The following IGSF3 variants were observed in gnomAD, a reference collection of about 807,000 sequenced individuals.
IGSF3 encodes the protein glu-Trp-Ile EWI motif-containing protein 3.
A neutral mutation model predicts 114.4 loss-of-function variants in IGSF3; 23 were observed. The ratio of observed to expected loss-of-function variants is 0.20; its 90% CI spans 0.14 to 0.28. IGSF3 has a LOEUF of 0.28. Among genes scored for constraint, IGSF3 ranks in the 10% least tolerant of loss-of-function variants. The pLI is 1.00. For synonymous variants in IGSF3, 571 were observed against 645.2 expected, an observed-to-expected ratio of 0.88 and a Z score of 1.74; for missense variants, 1,172 against 1,591.5, an observed-to-expected ratio of 0.74 and a Z score of 4.48.
Position 116,613,674 on chromosome 1 carries a change from G to A in IGSF3, c.832+91C>T, listed in dbSNP as rs1454274747. 3 of 1,215,234 alleles carry A rather than the reference G, an allele frequency of 2.5e-6. No homozygotes were observed. The Admixed American group carries it at 5.8e-5, about 24-fold the overall frequency. 75.3% of individuals were successfully genotyped at this position (1,215,234 alleles called of 1,614,324 possible). A position where few individuals can be genotyped will look rare whatever the true frequency, so the allele number is the denominator to read the frequency against. On this transcript the variant is annotated intron_variant, in intron 4 of 10. Coordinates refer to ENST00000369486, the MANE Select transcript of IGSF3 (RefSeq NM_001007237.3). Reference sequence around the variant, plus strand: ...ATGAAAACCTGCTGTCCTGGTAGAGGTGCCCAAAGAAGGAGTCTCCACATT... The same window carrying A: ...ATGAAAACCTGCTGTCCTGGTAGAGATGCCCAAAGAAGGAGTCTCCACATT...
chr1:116,610,058 G>T lies in IGSF3; in HGVS notation c.833-1727C>A, dbSNP rs1406226731. 2.0e-5 allele frequency among the ~76,000 whole-genome samples: 3 copies of T among 152,236 alleles called. No homozygotes were observed. The East Asian group carries it at 5.8e-4, about 29-fold the overall frequency. ...GAAGTAGCTGCTGTCACAGCTTCTA[G>T]CTCCCAAGAGACCAGTCTTAAGAGG... is the stretch of plus-strand genomic sequence containing the variant. On this transcript the variant is annotated intron_variant, in intron 4 of 10. Coordinates refer to ENST00000369486, the MANE Select transcript of IGSF3 (RefSeq NM_001007237.3). This position sits in a 1 kb window ranked among gnomAD's most constrained non-coding sequence, Gnocchi z 4.3.
Position 116,608,102 on chromosome 1 carries a change from C to G in IGSF3, c.1062G>C (p.Glu354Asp). Residue 354 changes from glutamate to aspartate, a missense_variant, in exon 5 of 11, where the codon GAG (glutamate) becomes GAC (aspartate). Physicochemically the swap from Glu to Asp is conservative, Grantham distance 45 (BLOSUM62 2). Transcript: ENST00000369486. ...TCTTCAGCACAAAGACACTGTCGCTCTCTTTGGCCACCTTAAGCTGTCCCC... is the reference window on the plus strand; with the variant it reads ...TCTTCAGCACAAAGACACTGTCGCTGTCTTTGGCCACCTTAAGCTGTCCCC... Reference protein sequence around the residue: ...EARGQLKVAKESDSVFVLKIY... With the variant: ...EARGQLKVAKDSDSVFVLKIY... 6.2e-7 allele frequency: 1 copy of G among 1,613,970 alleles called. No homozygotes were observed. The highest frequency in any genetic ancestry group is 8.5e-7 in the Non-Finnish European group (1 of 1,179,872).
Position 116,589,712 on chromosome 1 carries a change from T to C in IGSF3, c.2030-608A>G, listed in dbSNP as rs578094774. ...ATACCCTTCCTCAGCACCCTCTATA[T>C]ATCTCTGGGCTGTGTGTCCTCACAT... On this transcript the variant is annotated intron_variant, in intron 7 of 10. Transcript: ENST00000369486. The surrounding 1 kb of genome is among the most constrained non-coding windows in gnomAD (Gnocchi z 5.7). Among the ~76,000 whole-genome samples, 2 of 152,220 alleles carry C rather than the reference T, an allele frequency of 1.3e-5. No homozygotes were observed. The highest frequency in any genetic ancestry group is 4.8e-5 in the African/African-American group (2 of 41,550).
chr1:116,662,602 A>G lies in IGSF3; in HGVS notation c.43+3682T>C, dbSNP rs1326699247. ...TCTTAACACAGCCCTGGGTACCTGGAGGTAGCTCAATGATTCTCACAGCTG... is the reference window on the plus strand; with the variant it reads ...TCTTAACACAGCCCTGGGTACCTGGGGGTAGCTCAATGATTCTCACAGCTG... On this transcript the variant is annotated intron_variant, in intron 2 of 10. Transcript: ENST00000369486. The surrounding 1 kb of genome is among the most constrained non-coding windows in gnomAD (Gnocchi z 4.3). 6.6e-6 allele frequency among the ~76,000 whole-genome samples: 1 copy of G among 152,128 alleles called. No homozygotes were observed. The highest frequency in any genetic ancestry group is 2.4e-5 in the African/African-American group (1 of 41,410).
chr1:116,629,309 A>G lies in IGSF3; in HGVS notation c.44-12852T>C, dbSNP rs1402339547. 6.6e-6 allele frequency among the ~76,000 whole-genome samples: 1 copy of G among 152,226 alleles called. No homozygotes were observed. The highest frequency in any genetic ancestry group is 1.5e-5 in the Non-Finnish European group (1 of 68,044). On this transcript the variant is annotated intron_variant, in intron 2 of 10. Transcript: ENST00000369486. This position sits in a 1 kb window ranked among gnomAD's most constrained non-coding sequence, Gnocchi z 4.3. ...GATAAACACCCACACACCTCTATAT[A>G]TGTGTGGAAAAAGGACTGGGCTAGT...
At position 116,664,453 on chromosome 1, in the gene IGSF3, C is replaced by T. The variant is rs1649245356; in HGVS notation, c.43+1831G>A. Among the ~76,000 whole-genome samples the T allele has an allele frequency of 6.6e-6, 1 of 152,134 alleles. No homozygotes were observed. The highest frequency in any genetic ancestry group is 1.5e-5 in the Non-Finnish European group (1 of 68,012). On this transcript the variant is annotated intron_variant, in intron 2 of 10. Coordinates refer to ENST00000369486, the MANE Select transcript of IGSF3 (RefSeq NM_001007237.3). This position sits in a 1 kb window ranked among gnomAD's most constrained non-coding sequence, Gnocchi z 4.6. ...ACAAATGTCACATTGCCTTGTTTTCCCATTGATGGTTACTTCTCCTGCCCT... is the reference window on the plus strand; with the variant it reads ...ACAAATGTCACATTGCCTTGTTTTCTCATTGATGGTTACTTCTCCTGCCCT...
chr1:116,662,353 G>A lies in IGSF3; in HGVS notation c.43+3931C>T, dbSNP rs567932827. Among the ~76,000 whole-genome samples the A allele has an allele frequency of 6.6e-6, 1 of 152,246 alleles. No homozygotes were observed. The highest frequency in any genetic ancestry group is 1.9e-4 in the East Asian group (1 of 5,178). On this transcript the variant is annotated intron_variant, in intron 2 of 10. Transcript: ENST00000369486. The surrounding 1 kb of genome is among the most constrained non-coding windows in gnomAD (Gnocchi z 4.3). ...CCCAAAGTGCTGCGGTTACAAGCAT[G>A]AGCCACCATGCCCAGCTTAGGCAAG...
rs920164803 is a variant in IGSF3 at position 116,665,378 on chromosome 1, G to A, written c.43+906C>T. On this transcript the variant is annotated intron_variant, in intron 2 of 10. Coordinates refer to ENST00000369486, the MANE Select transcript of IGSF3 (RefSeq NM_001007237.3). The surrounding 1 kb of genome is among the most constrained non-coding windows in gnomAD (Gnocchi z 4.0). ...CCGAGCCTTACAGAGAGGGCAGGGGGTGTGCTCATGTATGAGGTCTGAGAT... is the reference window on the plus strand; with the variant it reads ...CCGAGCCTTACAGAGAGGGCAGGGGATGTGCTCATGTATGAGGTCTGAGAT... Among the ~76,000 whole-genome samples, 1 of 152,168 alleles carries A rather than the reference G, an allele frequency of 6.6e-6. No individual in the cohort carries two copies. The highest frequency in any genetic ancestry group is 2.4e-5 in the African/African-American group (1 of 41,424).
chr1:116,640,363 A>G (rs572888616), intron 2 of IGSF3, among the ~76,000 whole-genome samples: 20 of 152,296 alleles, frequency 1.3e-4, no homozygotes, highest in South Asian at 1.2e-3. Flanking sequence ...GCTGTGCTTC[A>G]ATCCCTATTT....
chr1:116,635,154 C>A (rs1346697236), intron 2 of IGSF3, among the ~76,000 whole-genome samples: 2 of 152,348 alleles, frequency 1.3e-5, no homozygotes, highest in East Asian at 3.9e-4. Flanking sequence ...GCAACACCTG[C>A]TTCTAAACAG....
rs1648783235 is a variant in IGSF3, at chr1:116,654,880, TCTC to T, written c.43+11401_43+11403del. 1.3e-5 allele frequency among the ~76,000 whole-genome samples: 2 copies of T among 151,986 alleles called. No homozygotes were observed. On this transcript the variant is annotated intron_variant, in intron 2 of 10. Transcript: ENST00000369486. This position sits in a 1 kb window ranked among gnomAD's most constrained non-coding sequence, Gnocchi z 4.4. ...TTAGCCTCCTCAGAGCCCCCTCCCT[TCTC>T]CTCGCTCTCCCCTTATCACTGCTAT...
rs1557850241 is a variant in IGSF3 at position 116,575,693 on chromosome 1, C to T, written c.*1619G>A. 1 of 152,098 alleles carries T rather than the reference C, an allele frequency of 6.6e-6. No homozygotes were observed. The allele number at this position is 152,098 out of a possible 1,614,324, so 9.4% of individuals were successfully genotyped here. A position where few individuals can be genotyped will look rare whatever the true frequency, so the allele number is the denominator to read the frequency against. ...GAGTAAAGGAGATGGCATGCTTGGCCAGAAAAATATGGGAAAGCAAGGGTA... is the reference window on the plus strand; with the variant it reads ...GAGTAAAGGAGATGGCATGCTTGGCTAGAAAAATATGGGAAAGCAAGGGTA... On this transcript the variant is annotated 3_prime_UTR_variant, in exon 11 of 11. Coordinates refer to ENST00000369486, the MANE Select transcript of IGSF3 (RefSeq NM_001007237.3). The surrounding 1 kb of genome is among the most constrained non-coding windows in gnomAD (Gnocchi z 5.6).
At chr1:116,609,298 G>A (rs749138375) in intron 4 of IGSF3, among the ~76,000 whole-genome samples, 38 of 151,936 alleles carry the variant, frequency 2.5e-4, no homozygotes, top group Non-Finnish European at 5.1e-4. Context: ...CCAGGCTGGA[G>A]TGTAGTGGCA....
At chr1:116,626,421 T>C (rs956763947) in intron 2 of IGSF3, among the ~76,000 whole-genome samples, 7 of 152,218 alleles carry the variant, frequency 4.6e-5, no homozygotes, top group Non-Finnish European at 8.8e-5. Context: ...CCTCTTTATA[T>C]AGCTGCACAG....
At position 116,583,829 on chromosome 1, in the gene IGSF3, T is replaced by C. The variant is rs913390628; in HGVS notation, c.2848+816A>G. On this transcript the variant is annotated intron_variant, in intron 9 of 10. Coordinates refer to ENST00000369486, the MANE Select transcript of IGSF3 (RefSeq NM_001007237.3). This position sits in a 1 kb window ranked among gnomAD's most constrained non-coding sequence, Gnocchi z 4.5. ...TACCTAGTAATTACATGCATTTAGA[T>C]ATTTAGAAACAGCAATAAAGACAAG... 6.6e-6 allele frequency among the ~76,000 whole-genome samples: 1 copy of C among 152,188 alleles called. No individual in the cohort carries two copies. The highest frequency in any genetic ancestry group is 1.5e-5 in the Non-Finnish European group (1 of 68,032).
intron 2 of IGSF3, among the ~76,000 whole-genome samples, chr1:116,626,070 C>G (rs994456336): frequency 1.3e-5 from 2 of 152,126 alleles, no homozygotes; most frequent in African/African-American, 4.8e-5. Context: ...ACTGCTAAAC[C>G]ATAACTCAAA....
intron 7 of IGSF3, among the ~76,000 whole-genome samples, chr1:116,591,503 G>A (rs1247489602): frequency 6.6e-6 from 1 of 152,210 alleles, no homozygotes; most frequent in Non-Finnish European, 1.5e-5. Context: ...TCAGTCACAT[G>A]GTCTGAGAAC....
intron 2 of IGSF3, among the ~76,000 whole-genome samples, chr1:116,623,382 G>T (rs1661478404): frequency 1.3e-5 from 2 of 152,174 alleles, no homozygotes; most frequent in Admixed American, 1.3e-4. Context: ...AGTAAATGAA[G>T]CTGGCTAAAC....
chr1:116,647,429 ACAGC>A lies in IGSF3; in HGVS notation c.43+18851_43+18854del, dbSNP rs1303463170. Among the ~76,000 whole-genome samples the A allele has an allele frequency of 6.6e-6, 1 of 152,198 alleles. No individual in the cohort carries two copies. The highest frequency in any genetic ancestry group is 2.4e-5 in the African/African-American group (1 of 41,452). ...AGCTCCAAATGGTCACACCATGTCT[ACAGC>A]CAATCAGCTGACCGGGGTGGCAACC... On this transcript the variant is annotated intron_variant, in intron 2 of 10. Coordinates refer to ENST00000369486, the MANE Select transcript of IGSF3 (RefSeq NM_001007237.3). The surrounding 1 kb of genome is among the most constrained non-coding windows in gnomAD (Gnocchi z 4.6).
Sources: allele counts gnomAD v4.1 joint callset (sites outside exome capture counted in the v4.1 genomes callset), GRCh38; gene constraint gnomAD v4.1.1; non-coding constraint Gnocchi (gnomAD v3.1); transcripts MANE v1.5; gene names NCBI Gene and HGNC (gene_info 2026-07-23, HGNC 2026-07-21).